Variants in WDR27 observed in about 807,000 individuals in gnomAD.
WDR27 encodes the protein WD repeat-containing protein 27.
A neutral mutation model predicts 114.4 loss-of-function variants in WDR27; 100 were observed. That is an observed-to-expected ratio of 0.87 (90% CI 0.74 to 1.03). WDR27 has a LOEUF of 1.03. Ranked by LOEUF, WDR27 falls within the 50% of genes least tolerant of loss-of-function variation. The pLI is 0.00. For synonymous variants in WDR27, 449 were observed against 423.1 expected, an observed-to-expected ratio of 1.06 and a Z score of -0.75; for missense variants, 1,129 against 1,092.9, an observed-to-expected ratio of 1.03 and a Z score of -0.47.
At chr6:169,654,630 G>C (rs1823499842) in intron 13 of WDR27, among the ~76,000 whole-genome samples, 1 of 152,344 alleles carries the variant, frequency 6.6e-6, no homozygotes, top group East Asian at 1.9e-4. Context: ...CAAGAATTTA[G>C]ATGCGAAAAG....
chr6:169,634,065 A>G (rs1243902231), intron 20 of WDR27, among the ~76,000 whole-genome samples: 1 of 152,210 alleles, frequency 6.6e-6, no homozygotes, highest in Non-Finnish European at 1.5e-5. Flanking sequence ...ATTCCATTTC[A>G]TATTATTTTG....
intron 24 of WDR27, among the ~76,000 whole-genome samples, chr6:169,581,147 T>C (rs976831610): frequency 2.6e-5 from 4 of 152,064 alleles, no homozygotes; most frequent in Admixed American, 2.6e-4. Context: ...CATATTTGCT[T>C]CTTTTATTCA....
intron 19 of WDR27, among the ~76,000 whole-genome samples, chr6:169,635,326 G>C (rs1029441807): frequency 2.0e-5 from 3 of 152,150 alleles, no homozygotes; most frequent in Non-Finnish European, 2.9e-5. Context: ...CGGAGGTTGC[G>C]GTGAGCCAAG....
chr6:169,648,393 C>T (rs1421200054), intron 15 of WDR27, among the ~76,000 whole-genome samples: 1 of 152,188 alleles, frequency 6.6e-6, no homozygotes, highest in Non-Finnish European at 1.5e-5. Context: ...GAAGAGCCAG[C>T]GTGCTCTGTC....
At chr6:169,499,977 T>C (rs1453265057) in intron 25 of WDR27, among the ~76,000 whole-genome samples, 1 of 152,142 alleles carries the variant, frequency 6.6e-6, no homozygotes, top group African/African-American at 2.4e-5. Flanking sequence ...ATGCCCACGG[T>C]TCCTTCCCCC....
At chr6:169,510,439 T>C (rs1235303451) in intron 25 of WDR27, among the ~76,000 whole-genome samples, 2 of 151,994 alleles carry the variant, frequency 1.3e-5, no homozygotes, top group African/African-American at 4.8e-5. Context: ...CACCATGGAA[T>C]ACTATGCAGC....
At chr6:169,679,229 C>T (rs1281519066) in intron 2 of WDR27, among the ~76,000 whole-genome samples, 1 of 152,194 alleles carries the variant, frequency 6.6e-6, no homozygotes, top group African/African-American at 2.4e-5. Flanking sequence ...GTGCCCTGAC[C>T]ACCTTGGGCA....
chr6:169,539,631 C>T (rs571071409), intron 25 of WDR27, among the ~76,000 whole-genome samples: 2 of 152,316 alleles, frequency 1.3e-5, no homozygotes, highest in East Asian at 3.9e-4. Flanking sequence ...CACTCACAAG[C>T]CTGTTCCAAG....
chr6:169,529,717 AAGC>A (rs919225057), intron 25 of WDR27, among the ~76,000 whole-genome samples: 2 of 152,224 alleles, frequency 1.3e-5, no homozygotes, highest in African/African-American at 2.4e-5. Context: ...AGAATACTAT[AAGC>A]ACAAATCCTT....
chr6:169,513,160 G>A lies in WDR27; in HGVS notation c.2646-55526C>T, dbSNP rs1793128326. Among the ~76,000 whole-genome samples the A allele has an allele frequency of 2.6e-5, 4 of 152,118 alleles. No individual in the cohort carries two copies. In the South Asian group the frequency reaches 8.3e-4, roughly 31 times the overall value. On this transcript the variant is annotated intron_variant, in intron 25 of 25. Coordinates refer to ENST00000448612, the MANE Select transcript of WDR27 (RefSeq NM_182552.5). The stretch of plus-strand genomic sequence containing the variant: ...GCAGTCACCCTGTGGTGCTTGGTTG[G>A]GGGCGGGCTCAGCAGGAATTTCTGG...
At chr6:169,439,907 GTTATATTACCAATATTATTATATTGGTAA>G in the WDR27 span, among the ~76,000 whole-genome samples, 1 of 147,002 alleles carries the variant, frequency 6.8e-6, no homozygotes, top group African/African-American at 2.6e-5. Flanking sequence ...TATATTGGTA[GTTATATTACCAATATTATTATATTGGTAA>G]TATAATTATT....
intron 13 of WDR27, chr6:169,657,965 C>T (rs942728655): frequency 3.4e-5 from 8 of 236,012 alleles, no homozygotes; most frequent in African/African-American, 6.5e-5. Context: ...AATGTTCTCA[C>T]AATCAGTAAT....
chr6:169,639,232 C>A (rs780743113), intron 17 of WDR27, among the ~76,000 whole-genome samples: 1 of 151,102 alleles, frequency 6.6e-6, no homozygotes, highest in African/African-American at 2.4e-5. Flanking sequence ...CCGGGTACTG[C>A]GTGGTGCTGG....
intron 23 of WDR27, among the ~76,000 whole-genome samples, chr6:169,595,611 G>C (rs1178396509): frequency 2.0e-5 from 3 of 152,036 alleles, no homozygotes; most frequent in Admixed American, 6.5e-5. Flanking sequence ...CTACTTTCTA[G>C]TTATATTCTC....
chr6:169,568,989 C>T lies in WDR27; in HGVS notation c.2645+3430G>A, dbSNP rs552012506. Among the ~76,000 whole-genome samples the T allele has an allele frequency of 5.3e-5, 8 of 152,110 alleles. No individual in the cohort carries two copies. The South Asian group carries it at 6.2e-4, about 12-fold the overall frequency. ...ATGCCCCTGGTTTGCTGTCCCTGCT[C>T]GCTCCCAAGAGGAAGAGACGCCGCC... On this transcript the variant is annotated intron_variant, in intron 25 of 25. Coordinates refer to ENST00000448612, the MANE Select transcript of WDR27 (RefSeq NM_182552.5).
chr6:169,698,409 C>T (rs1786843824), intron 1 of WDR27, among the ~76,000 whole-genome samples: 1 of 151,762 alleles, frequency 6.6e-6, no homozygotes, highest in African/African-American at 2.4e-5. Flanking sequence ...GACACACCGA[C>T]ACACACACAC....
chr6:169,451,620 T>C, the WDR27 span, among the ~76,000 whole-genome samples: 123 of 152,340 alleles, frequency 8.1e-4, no homozygotes, highest in African/African-American at 2.9e-3. Flanking sequence ...ATTTCCAAAC[T>C]ATACCGTTTT....
chr6:169,631,039 A>G (rs1289907740), intron 21 of WDR27, among the ~76,000 whole-genome samples: 1 of 152,238 alleles, frequency 6.6e-6, no homozygotes, highest in Admixed American at 6.5e-5. Flanking sequence ...AGTGCTGCCT[A>G]GTCTCATCAT....
chr6:169,497,428 T>C (rs1321595668), intron 25 of WDR27, among the ~76,000 whole-genome samples: 2 of 152,110 alleles, frequency 1.3e-5, no homozygotes, highest in Non-Finnish European at 2.9e-5. Context: ...CGTGAAAATT[T>C]TTTAAATTTG....
Sources: gnomAD v4.1 joint callset for allele counts (sites outside exome capture counted in the v4.1 genomes callset) on GRCh38, gnomAD v4.1.1 for gene constraint, MANE v1.5 for transcripts, NCBI Gene and HGNC (gene_info 2026-07-23, HGNC 2026-07-21) for gene names.